GABRB1: variants seen among roughly 807,000 people sequenced by gnomAD.
GABRB1 encodes gamma-aminobutyric acid receptor subunit beta-1.
A neutral mutation model predicts 51.6 loss-of-function variants in GABRB1; 17 were observed. That is an observed-to-expected ratio of 0.33 (90% CI 0.23 to 0.49). GABRB1 has a LOEUF of 0.49. Ranked by LOEUF, GABRB1 falls within the 20% of genes least tolerant of loss-of-function variation. GABRB1 has a pLI of 0.99. For missense variants in GABRB1, 410 were observed against 600.6 expected (o/e 0.68, Z 3.32); for synonymous variants, 247 against 218.9 (o/e 1.13, Z -1.14).
At chr4:47,031,079 G>A (rs1361188990), upstream of GABRB1, among the ~76,000 whole-genome samples, 2 of 152,078 alleles carry the variant, frequency 1.3e-5, no homozygotes, top group Non-Finnish European at 2.9e-5. Context: ...AATACGTCCT[G>A]AGTTTCCTCT....
intron 3 of GABRB1, among the ~76,000 whole-genome samples, chr4:47,156,180 C>T (rs143886237): frequency 2.0e-5 from 3 of 151,794 alleles, no homozygotes; most frequent in African/African-American, 7.2e-5. Flanking sequence ...CTTTGCATTC[C>T]TCCCCGTATA....
chr4:47,069,736 CCTTTT>C (rs1377880406), intron 3 of GABRB1, among the ~76,000 whole-genome samples: 3 of 151,800 alleles, frequency 2.0e-5, no homozygotes, highest in Non-Finnish European at 4.4e-5. Context: ...GGAAATCTCT[CCTTTT>C]CTTTTCTCAT....
chr4:47,330,254 G>T (rs531155003), intron 5 of GABRB1, among the ~76,000 whole-genome samples: 2 of 152,260 alleles, frequency 1.3e-5, no homozygotes, highest in Admixed American at 1.3e-4. Flanking sequence ...TGATTTAAAT[G>T]TTAATCTCCT....
chr4:47,349,115 T>G (rs1244518604), intron 5 of GABRB1, among the ~76,000 whole-genome samples: 1 of 152,110 alleles, frequency 6.6e-6, no homozygotes, highest in African/African-American at 2.4e-5. Flanking sequence ...TTTGGACATT[T>G]TGATGTATGA....
At chr4:47,159,440 A>G (rs941798097) in intron 3 of GABRB1, among the ~76,000 whole-genome samples, 1 of 152,076 alleles carries the variant, frequency 6.6e-6, no homozygotes, top group Non-Finnish European at 1.5e-5. Context: ...AAAAGTCACA[A>G]TGTTAAGAAC....
intron 5 of GABRB1, among the ~76,000 whole-genome samples, chr4:47,365,029 T>C (rs1726928406): frequency 6.6e-6 from 1 of 152,184 alleles, no homozygotes; most frequent in Admixed American, 6.5e-5. Flanking sequence ...AATATGTTCT[T>C]GGTATAACAG....
At chr4:47,193,764 A>G (rs973448618) in intron 4 of GABRB1, among the ~76,000 whole-genome samples, 2 of 152,230 alleles carry the variant, frequency 1.3e-5, no homozygotes, top group Non-Finnish European at 1.5e-5. Context: ...GAGAAAATGT[A>G]TACAAATATT....
chr4:47,220,914 T>G (rs1720743712), intron 4 of GABRB1, among the ~76,000 whole-genome samples: 1 of 152,012 alleles, frequency 6.6e-6, no homozygotes, highest in Non-Finnish European at 1.5e-5. Flanking sequence ...CTAATTAGCT[T>G]AGATCTCAAA....
At chr4:47,118,613 C>T (rs754343610) in intron 3 of GABRB1, among the ~76,000 whole-genome samples, 35 of 151,922 alleles carry the variant, frequency 2.3e-4, no homozygotes, top group Admixed American at 7.2e-4. Context: ...TACGTGTGAC[C>T]GCGGATGAAA....
intron 5 of GABRB1, 147 bp downstream of exon 5, chr4:47,320,356 G>T: frequency 3.0e-6 from 2 of 657,506 alleles, no homozygotes. Flanking sequence ...TAGCTCAAGG[G>T]TCATTTCAAT....
chr4:47,263,977 AAT>A (rs1466642901), intron 4 of GABRB1, among the ~76,000 whole-genome samples: 3 of 144,404 alleles, frequency 2.1e-5, no homozygotes, highest in African/African-American at 7.6e-5. Flanking sequence ...CTACAAAAAA[AAT>A]AAAAAAAAAA....
intron 5 of GABRB1, among the ~76,000 whole-genome samples, chr4:47,352,015 C>T (rs1262966823): frequency 1.3e-5 from 2 of 152,050 alleles, no homozygotes; most frequent in East Asian, 1.9e-4. Flanking sequence ...AACTAGTTTA[C>T]AGTCCCACCA....
At chr4:47,360,639 A>T (rs1488671281) in intron 5 of GABRB1, among the ~76,000 whole-genome samples, 2 of 152,136 alleles carry the variant, frequency 1.3e-5, no homozygotes, top group African/African-American at 2.4e-5. Context: ...AGTCCTACAA[A>T]TAGCATGACT....
At chr4:47,270,530 CATT>C (rs1722833107) in intron 4 of GABRB1, among the ~76,000 whole-genome samples, 1 of 152,082 alleles carries the variant, frequency 6.6e-6, no homozygotes. Context: ...GGGAGGGAAA[CATT>C]AAGAAAATTT....
intron 3 of GABRB1, among the ~76,000 whole-genome samples, chr4:47,036,632 C>T (rs1020073576): frequency 5.9e-5 from 9 of 152,094 alleles, no homozygotes; most frequent in South Asian, 2.1e-4. Flanking sequence ...GAGGCCAAGG[C>T]GAGTGTATCA....
At chr4:47,051,004 A>G (rs567604768) in intron 3 of GABRB1, among the ~76,000 whole-genome samples, 3 of 151,962 alleles carry the variant, frequency 2.0e-5, no homozygotes. Flanking sequence ...CTCTCTGTTA[A>G]TTTTCTTGTC....
chr4:47,365,295 G>A (rs987597691), intron 5 of GABRB1, among the ~76,000 whole-genome samples: 1 of 152,210 alleles, frequency 6.6e-6, no homozygotes, highest in African/African-American at 2.4e-5. Flanking sequence ...AATTCCAAAT[G>A]ATAGTCTGTT....
At chr4:47,337,268 G>A (rs148820346) in intron 5 of GABRB1, among the ~76,000 whole-genome samples, 2 of 152,066 alleles carry the variant, frequency 1.3e-5, no homozygotes, top group African/African-American at 4.8e-5. Flanking sequence ...AAGTGACAAA[G>A]AGTCACTTCA....
intron 1 of GABRB1, among the ~76,000 whole-genome samples, chr4:47,003,079 T>TAA (rs34059067): frequency 2.0e-5 from 3 of 151,878 alleles, no homozygotes; most frequent in African/African-American, 7.2e-5. Context: ...TGCTTTATAA[T>TAA]AAAAAAAAAC....
Sources: gnomAD v4.1 joint callset for allele counts (sites outside exome capture counted in the v4.1 genomes callset) on GRCh38, gnomAD v4.1.1 for gene constraint, MANE v1.5 for transcripts, NCBI Gene and HGNC (gene_info 2026-07-23, HGNC 2026-07-21) for gene names.